POF1B: variants seen among roughly 807,000 people sequenced by gnomAD.
POF1B encodes POF1B actin binding protein, also known as protein POF1B.
POF1B carries 53 observed loss-of-function variants against 55.3 expected under a neutral mutation model. That is an observed-to-expected ratio of 0.96 (90% CI 0.77 to 1.20). The LOEUF (loss-of-function observed/expected upper bound fraction) is 1.20, where lower values mean the gene tolerates loss of function less well. POF1B is among the 50% of genes most tolerant of loss of function. POF1B has a pLI of 0.00. For synonymous variants in POF1B, 188 were observed against 148.3 expected (o/e 1.27, Z -1.95); for missense variants, 478 against 420.5 (o/e 1.14, Z -1.20).
rs190258449 is a variant in POF1B at position 85,307,813 on chromosome X, G to A, written c.1050+311C>T. 6.1e-3 allele frequency among the ~76,000 whole-genome samples: 677 copies of A among 111,717 alleles called. 2 individuals are homozygous for A. Among genetic ancestry groups the A allele is most frequent in the Middle Eastern group, 0.037 (8 of 215 alleles). ...GAGTATGCTTTATAATTATGAAAAA[G>A]GGGGAATTTACCTCCAATGAGTCAG... On this transcript the variant is annotated intron_variant, in intron 10 of 16. Transcript: ENST00000262753.
At chrX:85,371,899 T>A (rs760410441) in intron 2 of POF1B, among the ~76,000 whole-genome samples, 1 of 112,125 alleles carries the variant, frequency 8.9e-6, no homozygotes, top group Non-Finnish European at 1.9e-5. Flanking sequence ...TGTTTAATGC[T>A]CATATCATCT....
At chrX:85,366,320 G>C (rs1933721546) in intron 3 of POF1B, among the ~76,000 whole-genome samples, 1 of 110,834 alleles carries the variant, frequency 9.0e-6, no homozygotes, top group South Asian at 3.8e-4. Flanking sequence ...ATATAAGTGA[G>C]AAAATGGGGA....
intron 15 of POF1B, among the ~76,000 whole-genome samples, chrX:85,290,946 T>A (rs1318727607): frequency 2.7e-5 from 3 of 112,017 alleles, no homozygotes; most frequent in African/African-American, 9.7e-5. Flanking sequence ...TAATTAGATA[T>A]CATTTGTCAA....
intron 6 of POF1B, among the ~76,000 whole-genome samples, chrX:85,338,264 T>C: frequency 9.0e-6 from 1 of 111,654 alleles, no homozygotes. Context: ...GTGAGAAAGT[T>C]GATTATAACA....
intron 15 of POF1B, among the ~76,000 whole-genome samples, chrX:85,283,441 G>A (rs1453841211): frequency 9.1e-6 from 1 of 109,773 alleles, no homozygotes; most frequent in Non-Finnish European, 1.9e-5. Flanking sequence ...AAAATTAGGT[G>A]GAGTTAACAG....
intron 9 of POF1B, among the ~76,000 whole-genome samples, chrX:85,311,933 A>T (rs1041579260): frequency 9.8e-5 from 11 of 112,117 alleles, no homozygotes; most frequent in Non-Finnish European, 1.5e-4. Flanking sequence ...ACCAGTGATG[A>T]TGAGCATTTT....
chrX:85,370,830 G>A (rs940059477), intron 2 of POF1B, among the ~76,000 whole-genome samples: 1 of 111,894 alleles, frequency 8.9e-6, no homozygotes, highest in African/African-American at 3.2e-5. Context: ...AGTTTTAAAA[G>A]CACTCCAGGA....
intron 4 of POF1B, among the ~76,000 whole-genome samples, chrX:85,356,526 G>T (rs1037790612): frequency 1.8e-5 from 2 of 109,095 alleles, no homozygotes; most frequent in Admixed American, 2.0e-4. Context: ...GAATATTTTC[G>T]CCATATTACT....
intron 15 of POF1B, among the ~76,000 whole-genome samples, chrX:85,289,577 T>C (rs367604846): frequency 3.6e-5 from 4 of 111,470 alleles, no homozygotes; most frequent in African/African-American, 1.3e-4. Context: ...AGCACAAGTT[T>C]TTACCACTAG....
chrX:85,280,003 G>A (rs947080970), intron 16 of POF1B, among the ~76,000 whole-genome samples: 1 of 110,691 alleles, frequency 9.0e-6, no homozygotes, highest in African/African-American at 3.3e-5. Flanking sequence ...ATAATTAGTA[G>A]TAAGTAATTT....
chrX:85,373,080 A>G (rs1183837400), intron 2 of POF1B, among the ~76,000 whole-genome samples: 1 of 111,172 alleles, frequency 9.0e-6, no homozygotes, highest in Non-Finnish European at 1.9e-5. Context: ...CCTCTAATGT[A>G]TTTTTGATAT....
intron 7 of POF1B, among the ~76,000 whole-genome samples, chrX:85,319,702 C>T (rs924394104): frequency 6.3e-5 from 7 of 111,104 alleles, no homozygotes; most frequent in African/African-American, 2.0e-4. Context: ...CCAATCTTGC[C>T]CCCCAGAAAT....
At chrX:85,316,342 G>A (rs1305537065) in intron 7 of POF1B, among the ~76,000 whole-genome samples, 1 of 111,591 alleles carries the variant, frequency 9.0e-6, no homozygotes, top group Non-Finnish European at 1.9e-5. Flanking sequence ...AGAATTTCCA[G>A]CATCATAATG....
intron 4 of POF1B, among the ~76,000 whole-genome samples, chrX:85,355,455 A>G (rs949354004): frequency 4.5e-5 from 5 of 111,754 alleles, no homozygotes; most frequent in African/African-American, 1.6e-4. Flanking sequence ...AAAATTGACA[A>G]ATGGCATCTA....
At chrX:85,290,438 G>A (rs192004160) in intron 15 of POF1B, among the ~76,000 whole-genome samples, 332 of 111,405 alleles carry the variant, frequency 3.0e-3, no homozygotes, top group Non-Finnish European at 4.5e-3. Context: ...GTGTCTTTGG[G>A]TAGAATGCTT....
intron 3 of POF1B, among the ~76,000 whole-genome samples, chrX:85,366,347 T>C (rs1044663188): frequency 3.6e-5 from 4 of 111,200 alleles, no homozygotes; most frequent in South Asian, 7.7e-4. Flanking sequence ...ACTGTATATA[T>C]GGTATAAACT....
In POF1B at chrX:85,345,927, T is replaced by C; in HGVS notation, c.656A>G (p.Asn219Ser). The change falls in exon 6 of 17, where the codon AAT (asparagine) becomes AGT (serine). Residue 219 changes from asparagine (N) to serine (S), a missense_variant. By Grantham distance (46) the Asn-to-Ser change is conservative. Coordinates refer to ENST00000262753, the MANE Select transcript of POF1B (RefSeq NM_024921.4). ...TCCAATATGTGTAGAAATTGGATTA[T>C]TTCCTGTGATGGCTTGGATTTGCTG... is the stretch of plus-strand genomic sequence containing the variant. Reference protein sequence around the residue: ...SSQQIQAITGNNPISTHIGNE... With the variant: ...SSQQIQAITGSNPISTHIGNE... 6 of 1,208,610 alleles carry C rather than the reference T, an allele frequency of 5.0e-6. No individual in the cohort carries two copies. The highest frequency in any genetic ancestry group is 4.6e-4 in the Middle Eastern group (2 of 4,329).
intron 16 of POF1B, 140 bp from the exon 17 acceptor site, chrX:85,279,566 T>TAC (rs1459494692): frequency 2.5e-6 from 1 of 396,481 alleles, no homozygotes; most frequent in Non-Finnish European, 4.4e-6. Context: ...GGCACTCTTT[T>TAC]ATATATATAT....
chrX:85,285,546 C>T (rs778391138), intron 15 of POF1B, among the ~76,000 whole-genome samples: 2 of 106,858 alleles, frequency 1.9e-5, no homozygotes, highest in Non-Finnish European at 3.8e-5. Context: ...CAAACTACCG[C>T]AAGGACAGAA....
Sources: allele counts gnomAD v4.1 joint callset (sites outside exome capture counted in the v4.1 genomes callset), GRCh38; gene constraint gnomAD v4.1.1; transcripts MANE v1.5; gene names NCBI Gene and HGNC (gene_info 2026-07-23, HGNC 2026-07-21).